RPSA: variants seen among roughly 807,000 people sequenced by gnomAD.
The protein encoded by RPSA is ribosomal protein SA.
For missense variants in RPSA, 140 were observed against 372.8 expected, an observed-to-expected ratio of 0.38 and a Z score of 5.14; for synonymous variants, 103 against 126.7, an observed-to-expected ratio of 0.81 and a Z score of 1.25.
intron 2 of RPSA, chr3:39,408,023 GA>G: frequency 2.0e-6 from 1 of 490,578 alleles, no homozygotes; most frequent in South Asian, 2.1e-5. Flanking sequence ...ATGAACATGA[GA>G]AAGTTCATTG....
chr3:39,409,184 C>CTTTTTTTTTTTTTTTTTTTT (rs71091746), intron 3 of RPSA, among the ~76,000 whole-genome samples: 1 of 85,426 alleles, frequency 1.2e-5, no homozygotes, highest in Non-Finnish European at 2.1e-5. Flanking sequence ...TATGACCTTC[C>CTTTTTTTTTTTTTTTTTTTT]TTTTTTTTTT....
At chr3:39,407,574 A>G (rs766765178) in intron 1 of RPSA, 47 bp from the exon 2 acceptor site, 1 of 1,427,998 alleles carries the variant, frequency 7.0e-7, no homozygotes, top group South Asian at 1.1e-5. Flanking sequence ...GGTGTGCCCT[A>G]CTTAACTCAA....
chr3:39,409,402 A>G (rs887621866), intron 3 of RPSA, among the ~76,000 whole-genome samples: 25 of 151,990 alleles, frequency 1.6e-4, no homozygotes, highest in African/African-American at 4.6e-4. Flanking sequence ...TGGTTTTACC[A>G]TTTGGCCAGG....
At chr3:39,407,843 G>A (rs1242172699) in intron 2 of RPSA, 57 bp downstream of exon 2, 28 of 1,459,022 alleles carry the variant, frequency 1.9e-5, no homozygotes, top group Non-Finnish European at 2.6e-5. Context: ...TTTTGAGCTT[G>A]CTATTCTCGT....
At chr3:39,411,615 G>A (rs1277112962) in intron 4 of RPSA, 34 bp from the exon 5 acceptor site, 1 of 1,608,870 alleles carries the variant, frequency 6.2e-7, no homozygotes, top group Non-Finnish European at 8.5e-7. Context: ...GTTTGACCAA[G>A]TGTCACTTTT....
chr3:39,410,574 T>C (rs2041991768), intron 3 of RPSA, 180 bp from the exon 4 acceptor site: 1 of 681,406 alleles, frequency 1.5e-6, no homozygotes, highest in Admixed American at 2.5e-5. Flanking sequence ...AACAAGCCTG[T>C]CTTTTTTAAT....
rs546066905 is a variant in RPSA at position 39,408,706 on chromosome 3, C to T, written c.234C>T (p.Ser78=). ...IENPADVSVI[S]SRNTGQRAVL... The stretch of plus-strand genomic sequence containing the variant: ...ACCCTGCTGATGTCAGTGTTATATC[C>T]TCCAGGAATACTGGCCAGGTTTGTG... The change falls in exon 3 of 7, where the codon TCC becomes TCT. Residue 78 remains serine (S), a synonymous_variant. Transcript: ENST00000301821. The T allele has an allele frequency of 4.0e-5, 63 of 1,587,226 alleles. No individual in the cohort carries two copies. In the South Asian group the frequency reaches 5.2e-4, roughly 13 times the overall value.
intron 3 of RPSA, among the ~76,000 whole-genome samples, chr3:39,409,704 A>G (rs562213855): frequency 3.3e-5 from 5 of 152,314 alleles, no homozygotes; most frequent in African/African-American, 9.6e-5. Flanking sequence ...TCATGACGGC[A>G]TGCACCCATA....
chr3:39,408,507 G>T, intron 2 of RPSA, 99 bp from the exon 3 acceptor site: 2 of 806,972 alleles, frequency 2.5e-6, no homozygotes, highest in South Asian at 2.7e-5. Context: ...TTGCCTCTAT[G>T]ACTGGAGTTT....
chr3:39,412,521 C>T lies in RPSA; in HGVS notation c.*153C>T, dbSNP rs74680958. Reference sequence around the variant, plus strand: ...AAAGCATAATAATAAATACATGTCTCGACATGAGTTGTACTTCTAAAGCCC... The same window carrying T: ...AAAGCATAATAATAAATACATGTCTTGACATGAGTTGTACTTCTAAAGCCC... On this transcript the variant is annotated 3_prime_UTR_variant, in exon 7 of 7. Transcript: ENST00000301821. 2.5e-4 allele frequency: 153 copies of T among 601,562 alleles called. No individual in the cohort carries two copies. In the African/African-American group the frequency reaches 2.6e-3, roughly 10 times the overall value. The allele number at this position is 601,562 out of a possible 1,614,324, so 37.3% of individuals were successfully genotyped here.
intron 2 of RPSA, chr3:39,408,136 G>A (rs1159991539): frequency 5.4e-6 from 2 of 370,296 alleles, no homozygotes; most frequent in South Asian, 2.3e-5. Context: ...AGGTGGGAAT[G>A]AACAATATGG....
At chr3:39,411,343 C>T in intron 4 of RPSA, 1 of 574,498 alleles carries the variant, frequency 1.7e-6, no homozygotes, top group South Asian at 1.8e-5. Context: ...ATGGGTTCTA[C>T]TATAAGATGC....
rs577649232 is a variant in RPSA at position 39,412,515 on chromosome 3, A to G, written c.*147A>G. ...CATATCAAAGCATAATAATAAATACATGTCTCGACATGAGTTGTACTTCTA... is the reference window on the plus strand; with the variant it reads ...CATATCAAAGCATAATAATAAATACGTGTCTCGACATGAGTTGTACTTCTA... On this transcript the variant is annotated 3_prime_UTR_variant, in exon 7 of 7. Coordinates refer to ENST00000301821, the MANE Select transcript of RPSA (RefSeq NM_002295.6). 5.0e-6 allele frequency: 3 copies of G among 604,646 alleles called. No homozygotes were observed. Among genetic ancestry groups the G allele is most frequent in the Non-Finnish European group, 2.9e-6 (1 of 341,434 alleles). The allele number at this position is 604,646 out of a possible 1,614,324, so 37.5% of individuals were successfully genotyped here.
chr3:39,412,097 T>A, intron 6 of RPSA, 36 bp downstream of exon 6: 1 of 1,595,346 alleles, frequency 6.3e-7, no homozygotes, highest in Non-Finnish European at 8.6e-7. Flanking sequence ...AAGCTGATAT[T>A]TTGCAACTTC....
At chr3:39,406,951 C>T (rs1281602734) in intron 1 of RPSA, 187 bp downstream of exon 1, 2 of 452,534 alleles carry the variant, frequency 4.4e-6, no homozygotes, top group Admixed American at 2.4e-5. Flanking sequence ...TCCCAGAGTG[C>T]CCCGGGAGCG....
chr3:39,412,431 T>G lies in RPSA; in HGVS notation c.*63T>G, dbSNP rs1429264471. ...TGGTTGATGGAAAATAAACATCAGT[T>G]TCTAAAAGTTGTCTTCATTTAGTTT... On this transcript the variant is annotated 3_prime_UTR_variant, in exon 7 of 7. Transcript: ENST00000301821. 1.1e-6 allele frequency: 1 copy of G among 930,022 alleles called. No homozygotes were observed. The highest frequency in any genetic ancestry group is 1.6e-5 in the African/African-American group (1 of 60,776). The allele number at this position is 930,022 out of a possible 1,614,324, so 57.6% of individuals were successfully genotyped here.
At chr3:39,408,369 AT>A in intron 2 of RPSA, 1 of 712,954 alleles carries the variant, frequency 1.4e-6, no homozygotes, top group Non-Finnish European at 2.6e-6. Flanking sequence ...GGAAAGATGG[AT>A]TTAGCCAACT....
At chr3:39,408,189 CACTT>C (rs1387737678) in intron 2 of RPSA, 7 of 370,862 alleles carry the variant, frequency 1.9e-5, no homozygotes, top group Non-Finnish European at 3.6e-5. Flanking sequence ...TTGGCTAAGG[CACTT>C]ACTTATTTTA....
chr3:39,406,851 T>C lies in RPSA; in HGVS notation c.-34+87T>C, dbSNP rs1335434170. 60 of 456,234 alleles carry C rather than the reference T, an allele frequency of 1.3e-4. 1 individual carries two copies. In the Admixed American group the frequency reaches 1.3e-3, roughly 10 times the overall value. 28.3% of individuals were successfully genotyped at this position (456,234 alleles called of 1,614,324 possible). On this transcript the variant is annotated intron_variant, in intron 1 of 6. Coordinates refer to ENST00000301821, the MANE Select transcript of RPSA (RefSeq NM_002295.6). ...AAATGAAGGGTGAGAAGACTAGTGA[T>C]GAAAGCCGGTCAGACTGGATCTGTC...
Sources: gnomAD v4.1 joint callset for allele counts (sites outside exome capture counted in the v4.1 genomes callset) on GRCh38, gnomAD v4.1.1 for gene constraint, MANE v1.5 for transcripts, NCBI Gene and HGNC (gene_info 2026-07-23, HGNC 2026-07-21) for gene names.